SLC15A5: variants seen among roughly 807,000 people sequenced by gnomAD.
SLC15A5 encodes the protein solute carrier family 15 member 5.
In SLC15A5, 58 loss-of-function variants were observed where a neutral mutation model predicts 56.1. The observed-to-expected ratio is 1.03, with a 90% CI of 0.84 to 1.29. The LOEUF (loss-of-function observed/expected upper bound fraction) is 1.29. Among genes scored for constraint, SLC15A5 ranks in the 50% most tolerant of loss-of-function variants. SLC15A5 has a pLI of 0.00. For missense variants in SLC15A5, 681 were observed against 672.1 expected (o/e 1.01, Z -0.15); for synonymous variants, 264 against 250.5 (o/e 1.05, Z -0.51).
At chr12:16,205,127 C>G (rs1263158330) in intron 7 of SLC15A5, among the ~76,000 whole-genome samples, 1 of 151,804 alleles carries the variant, frequency 6.6e-6, no homozygotes, top group Non-Finnish European at 1.5e-5. Context: ...TGACTAAGCA[C>G]ATCATAAAAG....
chr12:16,235,976 T>G lies in SLC15A5; in HGVS notation c.1162+3705A>C, dbSNP rs926426072. Among the ~76,000 whole-genome samples the G allele has an allele frequency of 2.0e-5, 3 of 152,156 alleles. No homozygotes were observed. Among genetic ancestry groups the G allele is most frequent in the African/African-American group, 7.2e-5 (3 of 41,450 alleles). Reference sequence around the variant, plus strand: ...GGAACTTGAATTTTCATGTTTTTATTTTAAAGAAAAAAGGTATTGCAGTTA... The same window carrying G: ...GGAACTTGAATTTTCATGTTTTTATGTTAAAGAAAAAAGGTATTGCAGTTA... On this transcript the variant is annotated intron_variant, in intron 5 of 8. Coordinates refer to ENST00000344941, the MANE Select transcript of SLC15A5 (RefSeq NM_001170798.1). The surrounding 1 kb of genome is among the most constrained non-coding windows in gnomAD (Gnocchi z 4.1).
At chr12:16,277,274 A>G in intron 1 of SLC15A5, 51 bp downstream of exon 1, 1 of 1,434,020 alleles carries the variant, frequency 7.0e-7, no homozygotes, top group South Asian at 1.5e-5. Flanking sequence ...ATTCTAACAA[A>G]AATCTACTTA....
At chr12:16,253,346 A>G (rs1015320001) in intron 3 of SLC15A5, among the ~76,000 whole-genome samples, 1 of 152,158 alleles carries the variant, frequency 6.6e-6, no homozygotes, top group Non-Finnish European at 1.5e-5. Flanking sequence ...TGAAAAGGCA[A>G]CATATGGAAT....
chr12:16,254,126 T>C (rs1329378629), intron 3 of SLC15A5, among the ~76,000 whole-genome samples: 2 of 152,030 alleles, frequency 1.3e-5, no homozygotes, highest in African/African-American at 4.8e-5. Context: ...ATTCTCAAGG[T>C]ATATCCATGT....
chr12:16,208,975 T>A (rs1264089120), intron 7 of SLC15A5, among the ~76,000 whole-genome samples: 1 of 151,632 alleles, frequency 6.6e-6, no homozygotes, highest in Non-Finnish European at 1.5e-5. Flanking sequence ...TCTTAAATCT[T>A]CTTCAGTTTC....
intron 6 of SLC15A5, among the ~76,000 whole-genome samples, chr12:16,222,849 G>C (rs1371126577): frequency 6.6e-6 from 1 of 152,142 alleles, no homozygotes; most frequent in African/African-American, 2.4e-5. Flanking sequence ...AATTTTGGCT[G>C]ACTACTTCCA....
intron 7 of SLC15A5, among the ~76,000 whole-genome samples, chr12:16,200,011 A>G (rs781093338): frequency 6.6e-6 from 1 of 151,972 alleles, no homozygotes; most frequent in Non-Finnish European, 1.5e-5. Context: ...GACTTTAGCA[A>G]AAATATCCAC....
chr12:16,266,939 C>G (rs1864703204), intron 2 of SLC15A5, among the ~76,000 whole-genome samples: 1 of 152,102 alleles, frequency 6.6e-6, no homozygotes, highest in East Asian at 1.9e-4. Context: ...GTATTGAATA[C>G]AAATGAGAAA....
At chr12:16,226,849 TC>T (rs558260803) in intron 5 of SLC15A5, among the ~76,000 whole-genome samples, 181 of 152,328 alleles carry the variant, frequency 1.2e-3, no homozygotes, top group Admixed American at 2.3e-3. Flanking sequence ...CTTAATCCTT[TC>T]GTTAGAGTGG....
intron 4 of SLC15A5, among the ~76,000 whole-genome samples, chr12:16,240,444 CA>C (rs1427971341): frequency 6.6e-6 from 1 of 151,424 alleles, no homozygotes; most frequent in Non-Finnish European, 1.5e-5. Flanking sequence ...AACTAAGTAA[CA>C]GGGGGAGGAA....
chr12:16,211,178 A>G (rs1185728271), intron 7 of SLC15A5, among the ~76,000 whole-genome samples: 1 of 152,240 alleles, frequency 6.6e-6, no homozygotes, highest in Non-Finnish European at 1.5e-5. Flanking sequence ...GAGGAAGCGT[A>G]TCTCTTAGAT....
intron 7 of SLC15A5, among the ~76,000 whole-genome samples, chr12:16,200,190 A>T (rs1441419985): frequency 6.6e-6 from 1 of 150,616 alleles, no homozygotes; most frequent in African/African-American, 2.4e-5. Context: ...AATAATAATA[A>T]TATTATTAAT....
At position 16,235,201 on chromosome 12, in the gene SLC15A5, G is replaced by A. The variant is rs973723078; in HGVS notation, c.1162+4480C>T. ...ATTTTTATTGTTTTCCCCTATTTGT[G>A]GCATGTTTTTATACATAATATATAC... On this transcript the variant is annotated intron_variant, in intron 5 of 8. Coordinates refer to ENST00000344941, the MANE Select transcript of SLC15A5 (RefSeq NM_001170798.1). The surrounding 1 kb of genome is among the most constrained non-coding windows in gnomAD (Gnocchi z 4.1). Among the ~76,000 whole-genome samples, 2 of 149,920 alleles carry A rather than the reference G, an allele frequency of 1.3e-5. No homozygotes were observed. Among genetic ancestry groups the A allele is most frequent in the African/African-American group, 4.9e-5 (2 of 40,844 alleles).
intron 7 of SLC15A5, among the ~76,000 whole-genome samples, chr12:16,203,150 A>G (rs1005116783): frequency 7.9e-5 from 12 of 152,282 alleles, no homozygotes; most frequent in African/African-American, 2.9e-4. Flanking sequence ...AGAAATGATA[A>G]TTATGTGAGG....
chr12:16,252,050 A>G (rs895377458), intron 3 of SLC15A5, among the ~76,000 whole-genome samples: 1 of 152,134 alleles, frequency 6.6e-6, no homozygotes, highest in Non-Finnish European at 1.5e-5. Context: ...AACAAAATGA[A>G]GGACAAAAAC....
intron 8 of SLC15A5, among the ~76,000 whole-genome samples, chr12:16,190,036 GC>G (rs1863826007): frequency 6.6e-6 from 1 of 152,144 alleles, no homozygotes; most frequent in East Asian, 1.9e-4. Flanking sequence ...CCTTTAGGTG[GC>G]GCTTTTTAAC....
At position 16,201,024 on chromosome 12, in the gene SLC15A5, T is replaced by C. The variant is rs138817348; in HGVS notation, c.1484-6571A>G. Among the ~76,000 whole-genome samples the C allele has an allele frequency of 6.1e-3, 926 of 152,244 alleles. 37 individuals are homozygous for C. The highest frequency in any genetic ancestry group is 0.055 in the Admixed American group (848 of 15,280). Reference sequence around the variant, plus strand: ...ACAACAGATACAGAGGAGATAACAATGTTTAGTTACGCGTATGCTATTTTA... The same window carrying C: ...ACAACAGATACAGAGGAGATAACAACGTTTAGTTACGCGTATGCTATTTTA... On this transcript the variant is annotated intron_variant, in intron 7 of 8. Transcript: ENST00000344941.
intron 5 of SLC15A5, among the ~76,000 whole-genome samples, chr12:16,228,155 G>C (rs574296445): frequency 6.6e-6 from 1 of 152,194 alleles, no homozygotes; most frequent in Non-Finnish European, 1.5e-5. Flanking sequence ...AAAGAGAAAC[G>C]ATCAGAAGAC....
chr12:16,269,148 C>A lies in SLC15A5; in HGVS notation c.584+3413G>T, dbSNP rs1393040814. Among the ~76,000 whole-genome samples the A allele has an allele frequency of 1.3e-5, 2 of 152,150 alleles. No individual in the cohort carries two copies. Among genetic ancestry groups the A allele is most frequent in the African/African-American group, 4.8e-5 (2 of 41,432 alleles). ...TAAATTTCTACTATTTATAAGCCAG[C>A]CAATCTCTGCTGATTTGTTATTGCA... On this transcript the variant is annotated intron_variant, in intron 2 of 8. Transcript: ENST00000344941. This position sits in a 1 kb window ranked among gnomAD's most constrained non-coding sequence, Gnocchi z 4.7.
Sources: allele counts gnomAD v4.1 joint callset (sites outside exome capture counted in the v4.1 genomes callset), GRCh38; gene constraint gnomAD v4.1.1; non-coding constraint Gnocchi (gnomAD v3.1); transcripts MANE v1.5; gene names NCBI Gene and HGNC (gene_info 2026-07-23, HGNC 2026-07-21).